TNFSF4: variants seen among roughly 807,000 people sequenced by gnomAD.
TNFSF4 encodes the protein TNF superfamily member 4.
A neutral mutation model predicts 7.3 loss-of-function variants in TNFSF4; 4 were observed. The observed-to-expected ratio is 0.55, with a 90% confidence interval of 0.27 to 1.25. The LOEUF (loss-of-function observed/expected upper bound fraction) is 1.25. Among genes scored for constraint, TNFSF4 ranks in the 50% most tolerant of loss-of-function variants. The probability of loss-of-function intolerance (pLI) is 0.12; values close to 1 mark genes in which losing one functional copy is unlikely to be tolerated. For synonymous variants in TNFSF4, 76 were observed against 83.7 expected, an observed-to-expected ratio of 0.91 and a Z score of 0.50; for missense variants, 181 against 208.8, an observed-to-expected ratio of 0.87 and a Z score of 0.82.
chr1:173,242,137 C>T, the TNFSF4 span, among the ~76,000 whole-genome samples: 1 of 152,146 alleles, frequency 6.6e-6, no homozygotes, highest in Non-Finnish European at 1.5e-5. Flanking sequence ...CCCCTCCCAG[C>T]CTGAAGAGGG....
chr1:173,281,863 A>G, the TNFSF4 span, among the ~76,000 whole-genome samples: 2 of 152,230 alleles, frequency 1.3e-5, no homozygotes, highest in Non-Finnish European at 2.9e-5. Flanking sequence ...TCAGTGAAAA[A>G]TGAACTAAGA....
the TNFSF4 span, among the ~76,000 whole-genome samples, chr1:173,319,071 C>G: frequency 3.9e-5 from 6 of 152,282 alleles, no homozygotes; most frequent in Admixed American, 2.6e-4. Context: ...TCCCATGGAG[C>G]TCAGCAAGCT....
At chr1:173,252,384 G>T in the TNFSF4 span, among the ~76,000 whole-genome samples, 1 of 152,104 alleles carries the variant, frequency 6.6e-6, no homozygotes, top group Non-Finnish European at 1.5e-5. Flanking sequence ...TCTAATCAGA[G>T]ATGTGAAGCT....
the TNFSF4 span, among the ~76,000 whole-genome samples, chr1:173,411,842 G>A: frequency 1.3e-5 from 2 of 151,884 alleles, no homozygotes; most frequent in African/African-American, 2.4e-5. Flanking sequence ...ATAGTTGGCC[G>A]GGTGCAGTGG....
chr1:173,253,057 T>G, the TNFSF4 span, among the ~76,000 whole-genome samples: 1 of 152,222 alleles, frequency 6.6e-6, no homozygotes, highest in Non-Finnish European at 1.5e-5. Context: ...CCATTCACTC[T>G]GTCTTACCAG....
the TNFSF4 span, among the ~76,000 whole-genome samples, chr1:173,267,230 C>T: frequency 6.6e-6 from 1 of 152,126 alleles, no homozygotes; most frequent in South Asian, 2.1e-4. Flanking sequence ...TTTCTGCAAA[C>T]ATAGTGAGTA....
chr1:173,404,839 C>G, the TNFSF4 span, among the ~76,000 whole-genome samples: 1 of 152,010 alleles, frequency 6.6e-6, no homozygotes, highest in Non-Finnish European at 1.5e-5. Context: ...ACCATGTTGG[C>G]CAAGCTGGTC....
downstream of TNFSF4, among the ~76,000 whole-genome samples, chr1:173,179,845 C>T (rs1472529622): frequency 6.6e-6 from 1 of 152,006 alleles, no homozygotes; most frequent in Non-Finnish European, 1.5e-5. Flanking sequence ...AGCTAATAAC[C>T]ATTCGCCTTC....
the TNFSF4 span, among the ~76,000 whole-genome samples, chr1:173,267,594 T>G: frequency 6.6e-6 from 1 of 152,246 alleles, no homozygotes; most frequent in South Asian, 2.1e-4. Flanking sequence ...AAACAAGAAT[T>G]TATTAGTTCG....
At chr1:173,180,694 G>C (rs528891957), downstream of TNFSF4, among the ~76,000 whole-genome samples, 1 of 152,092 alleles carries the variant, frequency 6.6e-6, no homozygotes, top group African/African-American at 2.4e-5. Flanking sequence ...GTTTAAAATA[G>C]TATGAACATG....
the TNFSF4 span, among the ~76,000 whole-genome samples, chr1:173,388,757 T>A: frequency 6.6e-6 from 1 of 152,264 alleles, no homozygotes; most frequent in African/African-American, 2.4e-5. Flanking sequence ...GGGTTTATTA[T>A]TGCTATTTTT....
At chr1:173,248,150 T>G in the TNFSF4 span, among the ~76,000 whole-genome samples, 1 of 151,952 alleles carries the variant, frequency 6.6e-6, no homozygotes, top group African/African-American at 2.4e-5. Context: ...GGTCAGGAGA[T>G]TGAGACCATC....
At chr1:173,393,121 C>T in the TNFSF4 span, among the ~76,000 whole-genome samples, 2 of 152,058 alleles carry the variant, frequency 1.3e-5, no homozygotes, top group Non-Finnish European at 2.9e-5. Flanking sequence ...TAGCCAGAGA[C>T]GTAGATGAGG....
chr1:173,290,256 T>G, the TNFSF4 span, among the ~76,000 whole-genome samples: 7 of 152,148 alleles, frequency 4.6e-5, no homozygotes, highest in Non-Finnish European at 5.9e-5. Context: ...CAACCTTGAA[T>G]GTAAATGGGC....
chr1:173,329,132 C>T, the TNFSF4 span, among the ~76,000 whole-genome samples: 25 of 152,146 alleles, frequency 1.6e-4, no homozygotes, highest in African/African-American at 5.3e-4. Context: ...AACAACAAAA[C>T]TGCTTATGTT....
chr1:173,422,585 C>G, the TNFSF4 span, among the ~76,000 whole-genome samples: 1 of 152,128 alleles, frequency 6.6e-6, no homozygotes, highest in Admixed American at 6.5e-5. Context: ...CAGAGTGAGA[C>G]CTCAGCTGAC....
chr1:173,410,074 G>T, the TNFSF4 span, among the ~76,000 whole-genome samples: 1 of 152,158 alleles, frequency 6.6e-6, no homozygotes, highest in Non-Finnish European at 1.5e-5. Flanking sequence ...AGACCAGCCT[G>T]GGCAACATAG....
chr1:173,391,310 G>GTCTCTCTC, the TNFSF4 span, among the ~76,000 whole-genome samples: 60,535 of 131,978 alleles, frequency 0.46, 14,130 homozygotes, highest in East Asian at 0.59. Flanking sequence ...CTTTCTTTCT[G>GTCTCTCTC]TCTCTCTCTC....
chr1:173,353,334 G>A, the TNFSF4 span, among the ~76,000 whole-genome samples: 1 of 152,282 alleles, frequency 6.6e-6, no homozygotes, highest in East Asian at 1.9e-4. Context: ...GTACTAATTT[G>A]GAGAACTAAC....
Sources: allele counts gnomAD v4.1 joint callset (sites outside exome capture counted in the v4.1 genomes callset), GRCh38; gene constraint gnomAD v4.1.1; transcripts MANE v1.5; gene names NCBI Gene and HGNC (gene_info 2026-07-23, HGNC 2026-07-21).